The following XKR4 variants were observed in gnomAD, a reference collection of about 807,000 sequenced individuals.
The protein encoded by XKR4 is XK related 4.
Under a neutral mutation model 53.9 loss-of-function variants are expected in XKR4, and 12 were observed. The observed-to-expected ratio is 0.22, with a 90% CI of 0.14 to 0.36. The LOEUF (loss-of-function observed/expected upper bound fraction) is 0.36. XKR4 is among the 10% of genes least tolerant of loss of function. The pLI, the probability that XKR4 is intolerant of heterozygous loss-of-function variation, is 1.00. For missense variants in XKR4, 799 were observed against 859.5 expected (o/e 0.93, Z 0.88); for synonymous variants, 354 against 362.4 (o/e 0.98, Z 0.26).
Position 55,262,351 on chromosome 8 carries a change from A to G in XKR4, c.807-95327A>G, listed in dbSNP as rs1037240271. ...AAAGATCTGAACATTTGCTTAAGACAAAATATCTAATAAGTGGTTATTATG... is the reference window on the plus strand; with the variant it reads ...AAAGATCTGAACATTTGCTTAAGACGAAATATCTAATAAGTGGTTATTATG... On this transcript the variant is annotated intron_variant, in intron 1 of 2. Coordinates refer to ENST00000327381, the MANE Select transcript of XKR4 (RefSeq NM_052898.2). 3.9e-5 allele frequency among the ~76,000 whole-genome samples: 6 copies of G among 152,230 alleles called. No individual in the cohort carries two copies. In the South Asian group the frequency reaches 8.3e-4, roughly 21 times the overall value.
chr8:55,209,013 T>C (rs1016368638), intron 1 of XKR4, among the ~76,000 whole-genome samples: 113 of 152,326 alleles, frequency 7.4e-4, no homozygotes, highest in African/African-American at 2.5e-3. Flanking sequence ...GTTTTCTTGG[T>C]CTTTTTTTCT....
In XKR4 at chr8:55,102,581, G is replaced by T. The variant is rs1816061178; in HGVS notation, c.93G>T (p.Val31=). 1.3e-6 allele frequency: 2 copies of T among 1,524,294 alleles called. No homozygotes were observed. Among genetic ancestry groups the T allele is most frequent in the Non-Finnish European group, 1.8e-6 (2 of 1,131,602 alleles). 94.4% of individuals were successfully genotyped at this position (1,524,294 alleles called of 1,614,324 possible). A position where few individuals can be genotyped will look rare whatever the true frequency, so the allele number is the denominator to read the frequency against. ...PLQNSDHSGS[V]QGLAPGLPSG... is the part of the protein sequence containing the mutation. The stretch of plus-strand genomic sequence containing the variant: ...AGAACTCGGACCACTCGGGCTCGGT[G>T]CAGGGATTGGCTCCAGGCTTGCCGT... Residue 31 remains valine (V), a synonymous_variant, in exon 1 of 3, where the codon GTG becomes GTT. Transcript: ENST00000327381. This position sits in a 1 kb window ranked among gnomAD's most constrained non-coding sequence, Gnocchi z 5.1.
chr8:55,127,991 T>C (rs1443395937), intron 1 of XKR4, among the ~76,000 whole-genome samples: 3 of 152,138 alleles, frequency 2.0e-5, no homozygotes, highest in Non-Finnish European at 2.9e-5. Context: ...TGTTGGACAT[T>C]TGGGTTGGTT....
chr8:55,460,816 G>A (rs1805644904), intron 2 of XKR4, among the ~76,000 whole-genome samples: 1 of 152,194 alleles, frequency 6.6e-6, no homozygotes, highest in African/African-American at 2.4e-5. Context: ...TTATCAAACG[G>A]CACACCAGGA....
At chr8:55,296,219 G>A (rs1177762664) in intron 1 of XKR4, among the ~76,000 whole-genome samples, 1 of 152,088 alleles carries the variant, frequency 6.6e-6, no homozygotes. Flanking sequence ...AGAGGTGGGG[G>A]CATATTCTTT....
chr8:55,176,178 A>G (rs1585920866), intron 1 of XKR4, among the ~76,000 whole-genome samples: 2 of 152,306 alleles, frequency 1.3e-5, no homozygotes, highest in East Asian at 3.9e-4. Context: ...ACAATCACTA[A>G]TATTTATATC....
rs561648916 is a variant in XKR4, at chr8:55,328,536, C to T, written c.807-29142C>T. Among the ~76,000 whole-genome samples, 22 of 152,296 alleles carry T rather than the reference C, an allele frequency of 1.4e-4. No individual in the cohort carries two copies. The South Asian group carries it at 1.7e-3, about 11-fold the overall frequency. On this transcript the variant is annotated intron_variant, in intron 1 of 2. Transcript: ENST00000327381. ...CATCTAATTCCTTTCAACCTCACTA[C>T]CATGACCTCTTACTTGAAGAGCACA...
chr8:55,314,125 C>T (rs1336931556), intron 1 of XKR4, among the ~76,000 whole-genome samples: 1 of 152,182 alleles, frequency 6.6e-6, no homozygotes, highest in East Asian at 1.9e-4. Flanking sequence ...GAAATTCCAT[C>T]CTTTGGTTAA....
At position 55,526,360 on chromosome 8, in the gene XKR4, A is replaced by AT. The variant is rs1806882762; in HGVS notation, c.*2138dup. ...AATCAATTTTTTTAAAAAATAGACA[A>AT]TTTTTATAAGTAGACATACTTCCTA... On this transcript the variant is annotated 3_prime_UTR_variant, in exon 3 of 3. Transcript: ENST00000327381. 1.3e-5 allele frequency: 2 copies of AT among 152,254 alleles called. No homozygotes were observed. Among genetic ancestry groups the AT allele is most frequent in the African/African-American group, 4.8e-5 (2 of 41,546 alleles). The allele number at this position is 152,254 out of a possible 1,614,324, so 9.4% of individuals were successfully genotyped here.
At chr8:55,494,301 C>G (rs746087105) in intron 2 of XKR4, among the ~76,000 whole-genome samples, 6 of 152,256 alleles carry the variant, frequency 3.9e-5, no homozygotes, top group Non-Finnish European at 7.3e-5. Context: ...AACCACAGGG[C>G]TCCAAAGAGG....
At chr8:55,444,583 C>T (rs1294053911) in intron 2 of XKR4, among the ~76,000 whole-genome samples, 1 of 152,104 alleles carries the variant, frequency 6.6e-6, no homozygotes, top group Admixed American at 6.6e-5. Context: ...ATAAACTTTG[C>T]AAAAATGTGC....
intron 1 of XKR4, among the ~76,000 whole-genome samples, chr8:55,127,232 G>T (rs1413697716): frequency 7.8e-6 from 1 of 128,324 alleles, no homozygotes; most frequent in Non-Finnish European, 1.6e-5. Flanking sequence ...AAGTTTAGGT[G>T]CCTAACTCTT....
chr8:55,314,086 C>A (rs1819424434), intron 1 of XKR4, among the ~76,000 whole-genome samples: 1 of 152,210 alleles, frequency 6.6e-6, no homozygotes, highest in African/African-American at 2.4e-5. Flanking sequence ...GAAGCAGCTA[C>A]AATTTCAGGA....
At chr8:55,268,372 C>T (rs1051497090) in intron 1 of XKR4, among the ~76,000 whole-genome samples, 3 of 151,970 alleles carry the variant, frequency 2.0e-5, no homozygotes, top group South Asian at 2.1e-4. Context: ...TATAATGATA[C>T]CAATGTTAGT....
At chr8:55,353,832 G>T (rs549163082) in intron 1 of XKR4, among the ~76,000 whole-genome samples, 1 of 152,150 alleles carries the variant, frequency 6.6e-6, no homozygotes, top group Non-Finnish European at 1.5e-5. Context: ...GCCGTGCAGC[G>T]GTGGGAGAAA....
rs5891559 is a variant in XKR4 at position 55,139,512 on chromosome 8, C to CAAAAAAAAAAAAAAAAAA, written c.806+36233_806+36234insAAAAAAAAAAAAAAAAAA. Among the ~76,000 whole-genome samples, 44 of 114,402 alleles carry CAAAAAAAAAAAAAAAAAA rather than the reference C, an allele frequency of 3.8e-4. 4 individuals carry two copies. Among genetic ancestry groups the CAAAAAAAAAAAAAAAAAA allele is most frequent in the African/African-American group, 8.0e-4 (20 of 25,106 alleles). The allele number at this position is 114,402 out of a possible 152,430, so 75.1% of individuals were successfully genotyped here. ...TGGGTGACAGAGCAAGACTCCGTCTCAAAAAAAAAAAAAAAGAGTGCTGGC... is the reference window on the plus strand; with the variant it reads ...TGGGTGACAGAGCAAGACTCCGTCTCAAAAAAAAAAAAAAAAAAAAAAAAAAAAAAAAAGAGTGCTGGC... On this transcript the variant is annotated intron_variant, in intron 1 of 2. Transcript: ENST00000327381.
chr8:55,435,899 C>A (rs557896468), intron 2 of XKR4, among the ~76,000 whole-genome samples: 21 of 152,210 alleles, frequency 1.4e-4, no homozygotes, highest in South Asian at 4.2e-4. Context: ...TGCCCTGAAA[C>A]CCTCCACAGG....
At chr8:55,407,685 T>C (rs961277558) in intron 2 of XKR4, among the ~76,000 whole-genome samples, 4 of 152,260 alleles carry the variant, frequency 2.6e-5, no homozygotes, top group Admixed American at 2.6e-4. Flanking sequence ...AGATCACATT[T>C]GTGGAGCACT....
Position 55,523,631 on chromosome 8 carries a change from A to T in XKR4, c.1357A>T (p.Thr453Ser). 1.2e-6 allele frequency: 2 copies of T among 1,614,210 alleles called. No individual in the cohort carries two copies. Among genetic ancestry groups the T allele is most frequent in the South Asian group, 1.1e-5 (1 of 91,082 alleles). The change falls in exon 3 of 3, where the codon ACA becomes TCA. Residue 453 changes from threonine (T) to serine (S), a missense_variant. By Grantham distance (58) the Thr-to-Ser change is moderately conservative (BLOSUM62 1). Around this residue, in one of 3 missense-constraint regions of XKR4, gnomAD observed 269 missense variants for 264.4 expected, o/e 1.02. Transcript: ENST00000327381. ...FSWFNVKEGR[T>S]RCRLFIYYFV... ...TTGGTTCAATGTCAAGGAAGGCAGG[A>T]CACGCTGCAGGCTATTCATTTACTA...
Sources: allele counts gnomAD v4.1 joint callset (sites outside exome capture counted in the v4.1 genomes callset), GRCh38; gene constraint gnomAD v4.1.1; regional missense constraint gnomAD v4.1.1; non-coding constraint Gnocchi (gnomAD v3.1); transcripts MANE v1.5; gene names NCBI Gene and HGNC (gene_info 2026-07-23, HGNC 2026-07-21).